The following RYR2 variants were observed in gnomAD, a reference collection of about 807,000 sequenced individuals.
RYR2 encodes ryanodine receptor 2.
Under a neutral mutation model 601.1 loss-of-function variants are expected in RYR2, and 227 were observed. That is an observed-to-expected ratio of 0.38 (90% CI 0.34 to 0.42). RYR2 has a LOEUF of 0.42. RYR2 is among the 10% of genes least tolerant of loss of function. RYR2 has a pLI of 1.00. For missense variants in RYR2, 4,646 were observed against 6,156.5 expected (o/e 0.75, Z 8.21); for synonymous variants, 2,223 against 2,175.1 (o/e 1.02, Z -0.61).
intron 1 of RYR2, among the ~76,000 whole-genome samples, chr1:237,203,666 C>G (rs1681451007): frequency 6.6e-6 from 1 of 152,052 alleles, no homozygotes; most frequent in Non-Finnish European, 1.5e-5. Context: ...CATTTACTTT[C>G]TAAGCTTCAT....
intron 100 of RYR2, among the ~76,000 whole-genome samples, chr1:237,813,355 G>A (rs1200415631): frequency 6.6e-6 from 1 of 152,186 alleles, no homozygotes; most frequent in African/African-American, 2.4e-5. Flanking sequence ...GATGCTCAGA[G>A]AATTGCTAAA....
intron 3 of RYR2, among the ~76,000 whole-genome samples, chr1:237,335,699 A>G (rs1312606267): frequency 6.6e-6 from 1 of 152,156 alleles, no homozygotes; most frequent in Non-Finnish European, 1.5e-5. Context: ...ATTGAACTAG[A>G]GAAAAAATTA....
rs115734908 is a variant in RYR2, at chr1:237,045,764, G to A, written c.48+3195G>A. The stretch of plus-strand genomic sequence containing the variant: ...GCATTTAAAAACACGCATCTTTTTC[G>A]TTATGGTCCTCTTTTTTTTTTTTTT... On this transcript the variant is annotated intron_variant, in intron 1 of 104. Transcript: ENST00000366574. 5.1e-3 allele frequency among the ~76,000 whole-genome samples: 657 copies of A among 127,786 alleles called. 3 individuals carry two copies. The highest frequency in any genetic ancestry group is 0.018 in the African/African-American group (619 of 35,128). 83.8% of individuals were successfully genotyped at this position (127,786 alleles called of 152,430 possible).
intron 85 of RYR2, among the ~76,000 whole-genome samples, chr1:237,771,226 T>C (rs1019350050): frequency 2.6e-5 from 4 of 151,870 alleles, no homozygotes; most frequent in African/African-American, 9.7e-5. Context: ...CTAGGAAACA[T>C]AGCGAGACCC....
intron 1 of RYR2, among the ~76,000 whole-genome samples, chr1:237,116,523 A>G (rs1274587313): frequency 6.6e-6 from 1 of 151,962 alleles, no homozygotes; most frequent in African/African-American, 2.4e-5. Context: ...ACAAATATAT[A>G]TATTTATACA....
chr1:237,751,656 G>C (rs1301874786), intron 80 of RYR2, among the ~76,000 whole-genome samples: 1 of 152,158 alleles, frequency 6.6e-6, no homozygotes, highest in Admixed American at 6.6e-5. Context: ...AGCCTCTAGT[G>C]CATTAACTGA....
intron 27 of RYR2, among the ~76,000 whole-genome samples, chr1:237,562,629 A>G (rs901807939): frequency 6.6e-5 from 10 of 152,224 alleles, no homozygotes; most frequent in African/African-American, 2.4e-4. Flanking sequence ...AACAGACTTG[A>G]TAATGTATGA....
rs143663449 is a variant in RYR2 at position 237,410,497 on chromosome 1, C to G, written c.774-6552C>G. ...TATTCTAGATCTAAGGTCAACCAAT[C>G]AAGGCAGTAGGTCAAATCCAGCCCA... On this transcript the variant is annotated intron_variant, in intron 10 of 104. Coordinates refer to ENST00000366574, the MANE Select transcript of RYR2 (RefSeq NM_001035.3). Among the ~76,000 whole-genome samples the G allele has an allele frequency of 6.7e-3, 1,023 of 152,214 alleles. 20 individuals carry two copies. The highest frequency in any genetic ancestry group is 0.023 in the African/African-American group (969 of 41,516).
intron 98 of RYR2, among the ~76,000 whole-genome samples, chr1:237,805,862 C>T (rs903349699): frequency 3.9e-5 from 6 of 152,192 alleles, no homozygotes; most frequent in South Asian, 4.2e-4. Flanking sequence ...CATCCTACAG[C>T]GGTATAGAAC....
chr1:237,803,060 C>T (rs559872936), intron 98 of RYR2, among the ~76,000 whole-genome samples: 17 of 152,040 alleles, frequency 1.1e-4, no homozygotes, highest in African/African-American at 3.1e-4. Context: ...GGTTACCAGA[C>T]GAAATTCAGA....
chr1:237,341,690 T>C, intron 3 of RYR2: 1 of 512,168 alleles, frequency 2.0e-6, no homozygotes, highest in South Asian at 1.4e-5. Flanking sequence ...AGATGGAATT[T>C]ATAGACCAAA....
At chr1:237,618,436 TAGAG>T (rs1404943858) in intron 38 of RYR2, among the ~76,000 whole-genome samples, 1 of 152,068 alleles carries the variant, frequency 6.6e-6, no homozygotes, top group African/African-American at 2.4e-5. Context: ...CTCTGAAAGA[TAGAG>T]AGAAGAAGAG....
At chr1:237,712,545 T>A (rs533633041) in intron 71 of RYR2, among the ~76,000 whole-genome samples, 185 of 150,078 alleles carry the variant, frequency 1.2e-3, no homozygotes, top group African/African-American at 4.3e-3. Context: ...ACACACACAC[T>A]CACACACACA....
chr1:237,236,417 G>C (rs1685559124), intron 1 of RYR2, among the ~76,000 whole-genome samples: 1 of 152,154 alleles, frequency 6.6e-6, no homozygotes. Context: ...TGTCCAAAGA[G>C]TTAGAATAGA....
intron 62 of RYR2, among the ~76,000 whole-genome samples, chr1:237,683,593 A>G (rs1196456305): frequency 1.3e-5 from 2 of 152,242 alleles, no homozygotes; most frequent in African/African-American, 4.8e-5. Flanking sequence ...AATAAAATGT[A>G]GAAGCTGGTA....
chr1:237,810,421 AAC>A (rs1399423232), intron 100 of RYR2, among the ~76,000 whole-genome samples: 3 of 152,212 alleles, frequency 2.0e-5, no homozygotes, highest in African/African-American at 7.2e-5. Flanking sequence ...CAATGAAAAA[AAC>A]ACTTTTTACC....
chr1:237,684,454 G>C (rs1483763147), intron 62 of RYR2, among the ~76,000 whole-genome samples: 1 of 152,132 alleles, frequency 6.6e-6, no homozygotes, highest in Non-Finnish European at 1.5e-5. Context: ...GTAAACAGCA[G>C]CTGGGGTGAG....
rs756076462 is a variant in RYR2 at position 237,503,309 on chromosome 1, G to A, written c.2417G>A (p.Gly806Glu). 1.9e-6 allele frequency: 3 copies of A among 1,610,596 alleles called. No homozygotes were observed. In the South Asian group the frequency reaches 3.3e-5, roughly 18 times the overall value. The change falls in exon 22 of 105, where the codon GGG becomes GAG. Residue 806 changes from glycine to glutamate, a missense_variant. Transcript: ENST00000366574. ...AGIKVRFLLG[G>E]RHGEFKFLPP... ...TTTAGAGTACGCTTTCTGCTTGGAG[G>A]GCGACATGGAGAATTCAAATTTCTT...
intron 101 of RYR2, among the ~76,000 whole-genome samples, chr1:237,824,446 A>C (rs1662870522): frequency 6.6e-6 from 1 of 152,226 alleles, no homozygotes; most frequent in Non-Finnish European, 1.5e-5. Flanking sequence ...ATCTCAATAC[A>C]TGCAGAAAAG....
Sources: allele counts gnomAD v4.1 joint callset (sites outside exome capture counted in the v4.1 genomes callset), GRCh38; gene constraint gnomAD v4.1.1; transcripts MANE v1.5; gene names NCBI Gene and HGNC (gene_info 2026-07-23, HGNC 2026-07-21).